SGTB: variants seen among roughly 807,000 people sequenced by gnomAD.
SGTB encodes the protein small glutamine-rich tetratricopeptide repeat-containing protein beta.
A neutral mutation model predicts 43.9 loss-of-function variants in SGTB; 19 were observed. The ratio of observed to expected loss-of-function variants is 0.43; its 90% CI spans 0.30 to 0.63. SGTB has a LOEUF of 0.63. SGTB is among the 30% of genes least tolerant of loss of function. The probability of loss-of-function intolerance (pLI) is 0.12; values close to 1 mark genes in which losing one functional copy is unlikely to be tolerated. For synonymous variants in SGTB, 116 were observed against 117.3 expected (o/e 0.99, Z 0.07); for missense variants, 304 against 358.9 (o/e 0.85, Z 1.24).
chr5:65,701,183 T>G (rs1757810234), intron 5 of SGTB, among the ~76,000 whole-genome samples: 1 of 150,838 alleles, frequency 6.6e-6, no homozygotes, highest in Admixed American at 6.6e-5. Context: ...GGGAGGAGAG[T>G]GCTATCTCAG....
At chr5:65,722,680 G>C (rs1302818818), upstream of SGTB, 3 of 498,854 alleles carry the variant, frequency 6.0e-6, no homozygotes, top group Non-Finnish European at 7.1e-6. Context: ...GCTGGTCACA[G>C]ACGCGGCCCA....
In SGTB at chr5:65,672,414, CAAAGT is replaced by C. The variant is rs968051098; in HGVS notation, c.682-138_682-134del. The C allele has an allele frequency of 3.8e-5, 41 of 1,077,390 alleles. No homozygotes were observed. In the Admixed American group the frequency reaches 6.7e-4, roughly 18 times the overall value. 66.7% of individuals were successfully genotyped at this position (1,077,390 alleles called of 1,614,324 possible). A position where few individuals can be genotyped will look rare whatever the true frequency, so the allele number is the denominator to read the frequency against. On this transcript the variant is annotated intron_variant, in intron 8 of 10. Coordinates refer to ENST00000381007, the MANE Select transcript of SGTB (RefSeq NM_019072.3). ...TTTTGTAGAGTTTCAGTGTGCTATG[CAAAGT>C]AAAGGGGAATGTAAAAAGAGAGAAG... is the stretch of plus-strand genomic sequence containing the variant.
intron 3 of SGTB, among the ~76,000 whole-genome samples, chr5:65,709,040 C>CA (rs34918475): frequency 2.1e-4 from 30 of 144,474 alleles, no homozygotes; most frequent in East Asian, 8.3e-4. Flanking sequence ...GACCCTGTCT[C>CA]AAAAAAAAAA....
intron 2 of SGTB, among the ~76,000 whole-genome samples, chr5:65,716,460 A>G (rs1474139422): frequency 6.6e-6 from 1 of 152,236 alleles, no homozygotes; most frequent in African/African-American, 2.4e-5. Context: ...CTATCACACT[A>G]AAACAGTCAA....
intron 5 of SGTB, 89 bp from the exon 6 acceptor site, chr5:65,685,561 G>C: frequency 1.0e-6 from 1 of 993,138 alleles, no homozygotes; most frequent in Non-Finnish European, 1.5e-6. Flanking sequence ...CCTTTTTCTT[G>C]TTCCAATTTG....
At chr5:65,675,119 AC>A in intron 8 of SGTB, among the ~76,000 whole-genome samples, 1 of 152,350 alleles carries the variant, frequency 6.6e-6, no homozygotes, top group South Asian at 2.1e-4. Context: ...TGCCCTGGTA[AC>A]ATCCTAAACC....
In SGTB at chr5:65,704,340, C is replaced by T; in HGVS notation, c.313G>A (p.Val105Met). ...TCTATTGCCTGTGTGTAACAATCCA[C>T]TGCAGCAGCATAATTTTCTTCTTTC... ...HMKEENYAAAVDCYTQAIELD... is the reference protein window; with the variant it reads ...HMKEENYAAAMDCYTQAIELD... The change falls in exon 5 of 11, where the codon GTG (valine) becomes ATG (methionine). Residue 105 changes from valine (V) to methionine (M), a missense_variant. Val to Met is a conservative substitution (Grantham distance 21, BLOSUM62 1). Coordinates refer to ENST00000381007, the MANE Select transcript of SGTB (RefSeq NM_019072.3). 6.2e-7 allele frequency: 1 copy of T among 1,612,756 alleles called. No individual in the cohort carries two copies. The highest frequency in any genetic ancestry group is 8.5e-7 in the Non-Finnish European group (1 of 1,179,388).
chr5:65,687,922 C>T (rs1023993677), intron 5 of SGTB, among the ~76,000 whole-genome samples: 3 of 152,160 alleles, frequency 2.0e-5, no homozygotes, highest in Non-Finnish European at 4.4e-5. Context: ...GTGTGTGCCA[C>T]CATACCCGGC....
chr5:65,692,962 T>C (rs554260344), intron 5 of SGTB, among the ~76,000 whole-genome samples: 82 of 152,122 alleles, frequency 5.4e-4, no homozygotes, highest in Middle Eastern at 3.4e-3. Flanking sequence ...TCCCAGCACT[T>C]TGGGAGGCCG....
intron 4 of SGTB, among the ~76,000 whole-genome samples, chr5:65,705,869 A>C (rs1316356900): frequency 8.2e-4 from 124 of 151,618 alleles, no homozygotes; most frequent in Non-Finnish European, 5.0e-4. Context: ...CTCTACAAAA[A>C]AAAAAAAAAA....
Position 65,679,922 on chromosome 5 carries a change from A to G in SGTB, c.681+572T>C. 1.3e-5 allele frequency among the ~76,000 whole-genome samples: 2 copies of G among 152,258 alleles called. 1 individual carries two copies. The highest frequency in any genetic ancestry group is 6.3e-3 in the Middle Eastern group (2 of 316). On this transcript the variant is annotated intron_variant, in intron 8 of 10. Transcript: ENST00000381007. Reference sequence around the variant, plus strand: ...AGACATGGAATCAATGCAAATGCCTATCAATGATAGACTGGATAAAGAAAA... The same window carrying G: ...AGACATGGAATCAATGCAAATGCCTGTCAATGATAGACTGGATAAAGAAAA...
chr5:65,705,063 G>A (rs1265503566), intron 4 of SGTB, among the ~76,000 whole-genome samples: 1 of 152,196 alleles, frequency 6.6e-6, no homozygotes, highest in Non-Finnish European at 1.5e-5. Context: ...TTAATAAAAT[G>A]TCAGCAAAAT....
intron 8 of SGTB, among the ~76,000 whole-genome samples, chr5:65,678,328 C>A (rs186043494): frequency 1.2e-4 from 18 of 152,252 alleles, no homozygotes; most frequent in Non-Finnish European, 2.2e-4. Context: ...CTACAAACCA[C>A]TGCTCAAGGA....
intron 6 of SGTB, among the ~76,000 whole-genome samples, chr5:65,685,091 G>T (rs529791701): frequency 6.6e-6 from 1 of 152,238 alleles, no homozygotes; most frequent in East Asian, 1.9e-4. Flanking sequence ...GACTATAGAA[G>T]GAAAAATAAT....
rs543598338 is a variant in SGTB, at chr5:65,679,460, T to C, written c.681+1034A>G. Among the ~76,000 whole-genome samples, 6 of 152,070 alleles carry C rather than the reference T, an allele frequency of 3.9e-5. No homozygotes were observed. The East Asian group carries it at 1.2e-3, about 29-fold the overall frequency. On this transcript the variant is annotated intron_variant, in intron 8 of 10. Transcript: ENST00000381007. ...GGTGAAACCCCATCTCTACTGACAA[T>C]ACAATAATTAGCCAGGCATGGTTGT...
At chr5:65,719,961 C>T (rs1327188473) in intron 2 of SGTB, among the ~76,000 whole-genome samples, 2 of 152,002 alleles carry the variant, frequency 1.3e-5, no homozygotes, top group African/African-American at 4.8e-5. Flanking sequence ...AAACTGGATG[C>T]TTTCCTATTA....
intron 2 of SGTB, among the ~76,000 whole-genome samples, chr5:65,715,711 G>A (rs1758133558): frequency 6.6e-6 from 1 of 152,186 alleles, no homozygotes; most frequent in African/African-American, 2.4e-5. Flanking sequence ...GGTAGTAAAG[G>A]GTAAGGAGGA....
chr5:65,719,493 C>T (rs557357271), intron 2 of SGTB, among the ~76,000 whole-genome samples: 3 of 151,932 alleles, frequency 2.0e-5, no homozygotes, highest in Non-Finnish European at 2.9e-5. Context: ...CTCAGGAGGC[C>T]GAGGTGGGAG....
chr5:65,671,644 C>CGGGGGT (rs144609440), intron 10 of SGTB, among the ~76,000 whole-genome samples: 1 of 112,396 alleles, frequency 8.9e-6, no homozygotes, highest in Admixed American at 9.9e-5. Context: ...GAACCGGGGG[C>CGGGGGT]GGGGGTGGGG....
Sources: gnomAD v4.1 joint callset for allele counts (sites outside exome capture counted in the v4.1 genomes callset) on GRCh38, gnomAD v4.1.1 for gene constraint, MANE v1.5 for transcripts, NCBI Gene and HGNC (gene_info 2026-07-23, HGNC 2026-07-21) for gene names.